CAND1: variants seen among roughly 807,000 people sequenced by gnomAD.
The protein encoded by CAND1 is cullin associated and neddylation dissociated 1.
CAND1 carries 7 observed loss-of-function variants against 108.5 expected under a neutral mutation model. That is an observed-to-expected ratio of 0.06 (90% CI 0.04 to 0.12). The LOEUF (loss-of-function observed/expected upper bound fraction) is 0.12, where lower values mean the gene tolerates loss of function less well. Ranked by LOEUF, CAND1 falls within the 10% of genes least tolerant of loss-of-function variation. The pLI is 1.00. For synonymous variants in CAND1, 534 were observed against 512.0 expected, an observed-to-expected ratio of 1.04 and a Z score of -0.58; for missense variants, 941 against 1,448.7, an observed-to-expected ratio of 0.65 and a Z score of 5.69.
chr12:67,297,349 G>C, intron 4 of CAND1, 58 bp from the exon 5 acceptor site: 1 of 1,494,642 alleles, frequency 6.7e-7, no homozygotes, highest in Non-Finnish European at 9.3e-7. Context: ...ACATTTAGTA[G>C]TGGCCAGGCA....
chr12:67,306,662 C>G (rs542153302), intron 10 of CAND1, 65 bp downstream of exon 10: 1 of 1,235,298 alleles, frequency 8.1e-7, no homozygotes, highest in South Asian at 1.5e-5. Context: ...TAAAAGACAC[C>G]TAATAAAGAA....
Position 67,304,760 on chromosome 12 carries a change from A to T in CAND1, c.1435+14A>T. On this transcript the variant is annotated intron_variant, in intron 9 of 14. Transcript: ENST00000545606. ...TACTTGTACCAGGTATGAAAGAAAC[A>T]TAAATCTCTTTTGGGACTTATTGTA... 4.3e-6 allele frequency: 7 copies of T among 1,610,928 alleles called. No homozygotes were observed. Among genetic ancestry groups the T allele is most frequent in the Non-Finnish European group, 5.9e-6 (7 of 1,179,162 alleles).
rs371769790 is a variant in CAND1, at chr12:67,292,631, T to C, written c.222T>C (p.Pro74=). ...CTTCTTTGTATTACAGTCTTGGTCC[T>C]TTAGTGAGTAAAGTGAAAGAATACC... The part of the protein sequence containing the change: ...VQNLAVKCLG[P]LVSKVKEYQV... Residue 74 remains proline (P), a synonymous_variant, in exon 3 of 15, where the codon CCT becomes CCC. Transcript: ENST00000545606. 50 of 1,609,556 alleles carry C rather than the reference T, an allele frequency of 3.1e-5. No individual in the cohort carries two copies. In the African/African-American group the frequency reaches 6.2e-4, roughly 20 times the overall value.
In CAND1 at chr12:67,305,127, A is replaced by G. The variant is rs1385651988; in HGVS notation, c.1459A>G (p.Lys487Glu). ...AGGAATCATTTTCTCACTGAATGAT[A>G]AATCAAGCTCATCGAATTTGAAGAT... ...VPGIIFSLND[K>E]SSSSNLKIDA... The change falls in exon 10 of 15, where the codon AAA becomes GAA. Residue 487 changes from lysine (K) to glutamate (E), a missense_variant. Around this residue, in one of 9 missense-constraint regions of CAND1, gnomAD observed 697 missense variants for 942.0 expected, o/e 0.74. Coordinates refer to ENST00000545606, the MANE Select transcript of CAND1 (RefSeq NM_018448.5). The surrounding 1 kb of genome is among the most constrained non-coding windows in gnomAD (Gnocchi z 4.4). The G allele has an allele frequency of 6.2e-7, 1 of 1,610,258 alleles. No individual in the cohort carries two copies. The highest frequency in any genetic ancestry group is 8.5e-7 in the Non-Finnish European group (1 of 1,177,802).
At position 67,305,938 on chromosome 12, in the gene CAND1, A is replaced by G. The variant is rs2044878662; in HGVS notation, c.2270A>G (p.Asp757Gly). The change falls in exon 10 of 15, where the codon GAC becomes GGC. Residue 757 changes from aspartate to glycine, a missense_variant. Asp to Gly is a moderately conservative substitution (Grantham distance 94). Coordinates refer to ENST00000545606, the MANE Select transcript of CAND1 (RefSeq NM_018448.5). The surrounding 1 kb of genome is among the most constrained non-coding windows in gnomAD (Gnocchi z 4.4). ...GGGGGAGCTCTTAGTGCCATGCTAG[A>G]CTTTTTCCAAGCTCTGGTTGTCACT... ...LQGGALSAML[D>G]FFQALVVTGT... The G allele has an allele frequency of 4.3e-6, 7 of 1,614,144 alleles. No homozygotes were observed. In the East Asian group the frequency reaches 1.3e-4, roughly 31 times the overall value.
chr12:67,305,320 G>A lies in CAND1; in HGVS notation c.1652G>A (p.Arg551His), dbSNP rs769018979. 51 of 1,613,916 alleles carry A rather than the reference G, an allele frequency of 3.2e-5. No homozygotes were observed. Among genetic ancestry groups the A allele is most frequent in the Middle Eastern group, 1.6e-4 (1 of 6,084 alleles). ...LVTQQLVKVI[R>H]PLDQPSSFDA... The stretch of plus-strand genomic sequence containing the variant: ...ACTCAACAGCTTGTCAAAGTAATTC[G>A]TCCTTTAGATCAGCCTTCCTCGTTT... Residue 551 changes from arginine (R) to histidine (H), a missense_variant, in exon 10 of 15, where the codon CGT becomes CAT. Physicochemically the swap from Arg to His is conservative, Grantham distance 29. Transcript: ENST00000545606. This position sits in a 1 kb window ranked among gnomAD's most constrained non-coding sequence, Gnocchi z 4.4.
chr12:67,270,077 C>T, intron 1 of CAND1: 1 of 411,596 alleles, frequency 2.4e-6, no homozygotes, highest in Non-Finnish European at 4.3e-6. Context: ...GGAGGCGATT[C>T]TTGCGTCTCA....
chr12:67,280,649 A>G (rs1458448014), intron 1 of CAND1, among the ~76,000 whole-genome samples: 1 of 152,248 alleles, frequency 6.6e-6, no homozygotes, highest in Non-Finnish European at 1.5e-5. Context: ...GCTTTATTTG[A>G]ATGTGATTAT....
intron 2 of CAND1, among the ~76,000 whole-genome samples, chr12:67,282,726 A>G (rs915453987): frequency 6.6e-6 from 1 of 152,242 alleles, no homozygotes; most frequent in African/African-American, 2.4e-5. Context: ...TTAATAAAGA[A>G]TAGCAGCAGT....
At chr12:67,294,194 G>T (rs2044747394) in intron 3 of CAND1, among the ~76,000 whole-genome samples, 1 of 151,886 alleles carries the variant, frequency 6.6e-6, no homozygotes, top group Non-Finnish European at 1.5e-5. Context: ...CCAATTTCCG[G>T]TTCTTACAAG....
chr12:67,294,269 A>G (rs1387042232), intron 3 of CAND1, among the ~76,000 whole-genome samples: 11 of 152,176 alleles, frequency 7.2e-5, no homozygotes, highest in African/African-American at 2.7e-4. Flanking sequence ...TCTCATCAGT[A>G]ACAACATGAC....
chr12:67,277,979 C>A lies in CAND1; in HGVS notation c.69-3931C>A, dbSNP rs11176668. On this transcript the variant is annotated intron_variant, in intron 1 of 14. Transcript: ENST00000545606. ...AATGTTTCTGAAATGTAAATCTGAT[C>A]ATTGCATTTATTCCCCATCTGTAAC... 2.6e-5 allele frequency among the ~76,000 whole-genome samples: 4 copies of A among 152,120 alleles called. No individual in the cohort carries two copies. The South Asian group carries it at 6.2e-4, about 24-fold the overall frequency.
At chr12:67,290,500 ACAGTGT>A (rs1414237371) in intron 2 of CAND1, among the ~76,000 whole-genome samples, 1 of 151,874 alleles carries the variant, frequency 6.6e-6, no homozygotes, top group Non-Finnish European at 1.5e-5. Flanking sequence ...ACAAAGCAAG[ACAGTGT>A]CTCAAAAAAA....
chr12:67,310,943 T>C (rs769453348), intron 13 of CAND1: 7 of 152,264 alleles, frequency 4.6e-5, no homozygotes, highest in Non-Finnish European at 8.8e-5. Flanking sequence ...TTTGTTTTCC[T>C]GTGTGTTCGT....
At position 67,305,677 on chromosome 12, in the gene CAND1, C is replaced by T; in HGVS notation, c.2009C>T (p.Thr670Ile). The T allele has an allele frequency of 6.2e-7, 1 of 1,614,056 alleles. No homozygotes were observed. Among genetic ancestry groups the T allele is most frequent in the Non-Finnish European group, 8.5e-7 (1 of 1,179,962 alleles). ...RKNQRALKLG[T>I]LSALDILIKN... ...AACCAGAGAGCTTTGAAACTGGGTACTCTTTCTGCCCTTGATATTCTAATA... is the reference window on the plus strand; with the variant it reads ...AACCAGAGAGCTTTGAAACTGGGTATTCTTTCTGCCCTTGATATTCTAATA... Residue 670 changes from threonine (T) to isoleucine (I), a missense_variant, in exon 10 of 15, where the codon ACT becomes ATT. Around this residue, in one of 9 missense-constraint regions of CAND1, gnomAD observed 697 missense variants for 942.0 expected, o/e 0.74. Transcript: ENST00000545606. The surrounding 1 kb of genome is among the most constrained non-coding windows in gnomAD (Gnocchi z 4.4).
chr12:67,312,700 A>G lies in CAND1; in HGVS notation c.3563A>G (p.Glu1188Gly), dbSNP rs749090632. ...GTAGCAGCACTGCTAACCATTCCAG[A>G]AGCAGAGAAGAGTCCACTGATGAGT... ...RAVAALLTIP[E>G]AEKSPLMSEF... Residue 1188 changes from glutamate (E) to glycine (G), a missense_variant, in exon 15 of 15, where the codon GAA (glutamate) becomes GGA (glycine). Around this residue, in one of 9 missense-constraint regions of CAND1, gnomAD observed 39 missense variants for 51.3 expected, o/e 0.76. Transcript: ENST00000545606. 1.2e-6 allele frequency: 2 copies of G among 1,613,778 alleles called. No homozygotes were observed. The highest frequency in any genetic ancestry group is 8.5e-7 in the Non-Finnish European group (1 of 1,179,756).
At chr12:67,295,875 G>T (rs962655188) in intron 4 of CAND1, among the ~76,000 whole-genome samples, 2 of 152,154 alleles carry the variant, frequency 1.3e-5, no homozygotes, top group African/African-American at 4.8e-5. Flanking sequence ...TGGCTACAGG[G>T]CAGAATGGGA....
chr12:67,269,603 T>C lies in CAND1; in HGVS notation c.-115T>C, dbSNP rs2044496766. ...CAGCGTCGGCGTCGCGCTGCGACCCTGGAAGCGGGAGCCGCCGCGAGCGAG... is the reference window on the plus strand; with the variant it reads ...CAGCGTCGGCGTCGCGCTGCGACCCCGGAAGCGGGAGCCGCCGCGAGCGAG... On this transcript the variant is annotated 5_prime_UTR_variant, in exon 1 of 15. Transcript: ENST00000545606. 4 of 871,318 alleles carry C rather than the reference T, an allele frequency of 4.6e-6. No individual in the cohort carries two copies. The highest frequency in any genetic ancestry group is 1.6e-5 in the South Asian group (1 of 62,892). The allele number at this position is 871,318 out of a possible 1,614,324, so 54.0% of individuals were successfully genotyped here.
At chr12:67,290,177 T>C (rs1044011045) in intron 2 of CAND1, among the ~76,000 whole-genome samples, 3 of 152,230 alleles carry the variant, frequency 2.0e-5, no homozygotes, top group African/African-American at 7.2e-5. Flanking sequence ...AGAACTTGTT[T>C]CCTCATTTGA....
Sources: allele counts gnomAD v4.1 joint callset (sites outside exome capture counted in the v4.1 genomes callset), GRCh38; gene constraint gnomAD v4.1.1; regional missense constraint gnomAD v4.1.1; non-coding constraint Gnocchi (gnomAD v3.1); transcripts MANE v1.5; gene names NCBI Gene and HGNC (gene_info 2026-07-23, HGNC 2026-07-21).